The following TRMT1L variants were observed in gnomAD, a reference collection of about 807,000 sequenced individuals.
The protein encoded by TRMT1L is tRNA (guanine(27)-N(2))-dimethyltransferase.
Under a neutral mutation model 81.6 loss-of-function variants are expected in TRMT1L, and 28 were observed. That is an observed-to-expected ratio of 0.34 (90% CI 0.25 to 0.47). The LOEUF (loss-of-function observed/expected upper bound fraction) is 0.47. Among genes scored for constraint, TRMT1L ranks in the 20% least tolerant of loss-of-function variants. The pLI is 1.00. For synonymous variants in TRMT1L, 301 were observed against 303.2 expected, an observed-to-expected ratio of 0.99 and a Z score of 0.07; for missense variants, 739 against 877.1, an observed-to-expected ratio of 0.84 and a Z score of 1.99.
chr1:185,149,495 G>C (rs190100620), intron 3 of TRMT1L, among the ~76,000 whole-genome samples: 3 of 151,692 alleles, frequency 2.0e-5, no homozygotes, highest in Admixed American at 6.6e-5. Flanking sequence ...ATAGAGACAG[G>C]GTCTTACTAT....
At chr1:185,151,795 G>GAAAAA in intron 2 of TRMT1L, 30 bp downstream of exon 2, 1 of 1,154,728 alleles carries the variant, frequency 8.7e-7, no homozygotes, top group Non-Finnish European at 1.2e-6. Context: ...TAGAAACTAA[G>GAAAAA]AAAAAAAAAA....
chr1:185,154,957 A>T (rs1037458493), intron 1 of TRMT1L, among the ~76,000 whole-genome samples: 2 of 152,196 alleles, frequency 1.3e-5, no homozygotes, highest in African/African-American at 4.8e-5. Flanking sequence ...TTTCAATTCT[A>T]TTTCAGATAG....
chr1:185,120,791 T>C (rs772576210), intron 13 of TRMT1L: 1 of 214,618 alleles, frequency 4.7e-6, no homozygotes, highest in Non-Finnish European at 9.1e-6. Context: ...AGTCACTTCA[T>C]ACATTTCATT....
chr1:185,122,429 A>T (rs999401125), intron 13 of TRMT1L, among the ~76,000 whole-genome samples: 1 of 150,364 alleles, frequency 6.7e-6, no homozygotes, highest in Non-Finnish European at 1.5e-5. Flanking sequence ...TTAAAAACAA[A>T]TTTTTTTTTT....
intron 1 of TRMT1L, 133 bp from the exon 2 acceptor site, chr1:185,152,068 T>C (rs1040698220): frequency 7.7e-5 from 37 of 480,172 alleles, no homozygotes; most frequent in African/African-American, 6.9e-4. Flanking sequence ...CTGCCACAAC[T>C]CGGTTTATAA....
rs200297827 is a variant in TRMT1L, at chr1:185,156,744, G to T, written c.-32C>A. On this transcript the variant is annotated 5_prime_UTR_variant, in exon 1 of 15. Transcript: ENST00000367506. ...CGCCTCCGTGCCAAGCCCGCCCGGGGACCCGGAGCGGGGCTCACGGCGGGG... is the reference window on the plus strand; with the variant it reads ...CGCCTCCGTGCCAAGCCCGCCCGGGTACCCGGAGCGGGGCTCACGGCGGGG... 1 of 1,611,264 alleles carries T rather than the reference G, an allele frequency of 6.2e-7. No individual in the cohort carries two copies. The highest frequency in any genetic ancestry group is 1.1e-5 in the South Asian group (1 of 90,932).
At chr1:185,153,272 G>A (rs1208714452) in intron 1 of TRMT1L, among the ~76,000 whole-genome samples, 1 of 152,020 alleles carries the variant, frequency 6.6e-6, no homozygotes. Flanking sequence ...GGTGGGTAGG[G>A]GATACATTCC....
intron 1 of TRMT1L, among the ~76,000 whole-genome samples, chr1:185,156,130 G>A (rs976614194): frequency 6.6e-6 from 1 of 152,170 alleles, no homozygotes; most frequent in African/African-American, 2.4e-5. Flanking sequence ...AGTTAACCAT[G>A]GCAGACTGGA....
intron 11 of TRMT1L, among the ~76,000 whole-genome samples, chr1:185,127,285 A>C (rs1454602392): frequency 6.6e-6 from 1 of 152,216 alleles, no homozygotes; most frequent in Non-Finnish European, 1.5e-5. Flanking sequence ...GGCTGGCTAG[A>C]TCTTTCTTAA....
chr1:185,151,927 T>C lies in TRMT1L; in HGVS notation c.244A>G (p.Ile82Val), dbSNP rs766845969. Residue 82 changes from isoleucine to valine, a missense_variant, in exon 2 of 15, where the codon ATC (isoleucine) becomes GTC (valine). Around this residue, in one of 4 missense-constraint regions of TRMT1L, gnomAD observed 209 missense variants for 165.4 expected, o/e 1.26. Coordinates refer to ENST00000367506, the MANE Select transcript of TRMT1L (RefSeq NM_030934.5). ...TCAGCAAGCTGCCTTTGAATTGAGA[T>C]GTGTCTCTCTGAAAAAAAAAATTGA... is the stretch of plus-strand genomic sequence containing the variant. Reference protein sequence around the residue: ...APEEAKSKRHISIQRQLADLE... With the variant: ...APEEAKSKRHVSIQRQLADLE... 196 of 1,578,674 alleles carry C rather than the reference T, an allele frequency of 1.2e-4. No individual in the cohort carries two copies. The highest frequency in any genetic ancestry group is 1.6e-4 in the Non-Finnish European group (191 of 1,168,990).
Position 185,147,413 on chromosome 1 carries a change from A to AT in TRMT1L, c.461-168dup, listed in dbSNP as rs565545950. 5.9e-5 allele frequency among the ~76,000 whole-genome samples: 9 copies of AT among 152,318 alleles called. No homozygotes were observed. In the East Asian group the frequency reaches 1.7e-3, roughly 29 times the overall value. Reference sequence around the variant, plus strand: ...TTTATACAATTATTATACATGAGATATATGTGTATGCATATATACATATGT... The same window carrying AT: ...TTTATACAATTATTATACATGAGATATTATGTGTATGCATATATACATATGT... On this transcript the variant is annotated intron_variant, in intron 3 of 14. Transcript: ENST00000367506.
intron 12 of TRMT1L, 119 bp downstream of exon 12, chr1:185,124,825 A>T: frequency 1.0e-6 from 1 of 974,860 alleles, no homozygotes; most frequent in Admixed American, 3.1e-5. Context: ...GAGAAGATTT[A>T]CTAAAAACAC....
intron 13 of TRMT1L, among the ~76,000 whole-genome samples, chr1:185,121,328 G>A (rs946175000): frequency 2.0e-5 from 3 of 151,934 alleles, no homozygotes; most frequent in Admixed American, 6.6e-5. Context: ...GAGCAGTAGC[G>A]TACACCTGTG....
At chr1:185,140,990 A>G (rs1205765959) in intron 7 of TRMT1L, among the ~76,000 whole-genome samples, 1 of 150,396 alleles carries the variant, frequency 6.6e-6, no homozygotes, top group Non-Finnish European at 1.5e-5. Context: ...AAAAAACAAC[A>G]AAAACAAAAA....
chr1:185,131,507 C>A (rs1463637175), intron 10 of TRMT1L, among the ~76,000 whole-genome samples: 2 of 151,552 alleles, frequency 1.3e-5, no homozygotes, highest in Non-Finnish European at 2.9e-5. Flanking sequence ...CAAGTATAAT[C>A]AATTCTTAGA....
In TRMT1L at chr1:185,139,411, A is replaced by C; in HGVS notation, c.1278T>G (p.Tyr426Ter). 1 of 1,614,032 alleles carries C rather than the reference A, an allele frequency of 6.2e-7. No homozygotes were observed. Among genetic ancestry groups the C allele is most frequent in the Non-Finnish European group, 8.5e-7 (1 of 1,179,966 alleles). The change falls in exon 9 of 15, where the codon TAT (tyrosine) becomes TAG (stop). Residue 426 changes from tyrosine (Y) to a stop codon, truncating the protein, a stop_gained. Coordinates refer to ENST00000367506, the MANE Select transcript of TRMT1L (RefSeq NM_030934.5). LOFTEE classifies it high-confidence loss of function. The part of the protein sequence containing the change: ...HYGCNIVRTE[Y>*]YKELAARIVV... ...CAATTCTGGCTGCTAGTTCCTTGTA[A>C]TATTCAGTTCGGACAATGTTACATC...
At chr1:185,141,883 C>T (rs1348254517) in intron 7 of TRMT1L, among the ~76,000 whole-genome samples, 1 of 152,098 alleles carries the variant, frequency 6.6e-6, no homozygotes, top group African/African-American at 2.4e-5. Flanking sequence ...AGAGGAATAG[C>T]TGTTTAGCAG....
intron 10 of TRMT1L, among the ~76,000 whole-genome samples, chr1:185,131,240 C>A (rs1427691694): frequency 6.6e-6 from 1 of 152,060 alleles, no homozygotes; most frequent in East Asian, 1.9e-4. Context: ...ACCTCATGAT[C>A]TGCCCGCCTC....
rs903548920 is a variant in TRMT1L at position 185,156,884 on chromosome 1, T to C, written c.-172A>G. 1.6e-4 allele frequency: 147 copies of C among 907,958 alleles called. No homozygotes were observed. Among genetic ancestry groups the C allele is most frequent in the Non-Finnish European group, 2.0e-4 (129 of 632,782 alleles). The allele number at this position is 907,958 out of a possible 1,614,324, so 56.2% of individuals were successfully genotyped here. Reference sequence around the variant, plus strand: ...TGAAGAACCAGTGACCAAATCCTGTTAGTAGAAAACAGAAAGCCAGAGGCA... The same window carrying C: ...TGAAGAACCAGTGACCAAATCCTGTCAGTAGAAAACAGAAAGCCAGAGGCA... On this transcript the variant is annotated 5_prime_UTR_variant, in exon 1 of 15. Transcript: ENST00000367506.
Sources: allele counts gnomAD v4.1 joint callset (sites outside exome capture counted in the v4.1 genomes callset), GRCh38; gene constraint gnomAD v4.1.1; regional missense constraint gnomAD v4.1.1; transcripts MANE v1.5; gene names NCBI Gene and HGNC (gene_info 2026-07-23, HGNC 2026-07-21).